Variants in RHD observed in about 807,000 individuals in gnomAD.
RHD encodes Rh blood group D antigen, also known as blood group Rh(D) polypeptide.
RHD carries 16 observed loss-of-function variants against 45.5 expected under a neutral mutation model. The observed-to-expected ratio is 0.35, with a 90% CI of 0.24 to 0.53. The LOEUF (loss-of-function observed/expected upper bound fraction) is 0.53, where lower values mean the gene tolerates loss of function less well. Ranked by LOEUF, RHD falls within the 20% of genes least tolerant of loss-of-function variation. RHD has a pLI of 0.92. For missense variants in RHD, 306 were observed against 532.0 expected, an observed-to-expected ratio of 0.58 and a Z score of 4.18; for synonymous variants, 131 against 217.5, an observed-to-expected ratio of 0.60 and a Z score of 3.50.
At chr1:25,301,791 G>T (rs1643411272) in intron 5 of RHD, 105 bp downstream of exon 5, 1 of 880,900 alleles carries the variant, frequency 1.1e-6, no homozygotes, top group Non-Finnish European at 1.8e-6. Context: ...GAGAGGGCAT[G>T]CCGGGTGGTG....
chr1:25,298,048 C>T lies in RHD; in HGVS notation c.487-2898C>T, dbSNP rs374709905. On this transcript the variant is annotated intron_variant, in intron 3 of 9. Coordinates refer to ENST00000328664, the MANE Select transcript of RHD (RefSeq NM_016124.6). Reference sequence around the variant, plus strand: ...GTCCCCTCCACCCACCCATCCACCTCCACTTGTTCCTGCATTTCTATGTCC... The same window carrying T: ...GTCCCCTCCACCCACCCATCCACCTTCACTTGTTCCTGCATTTCTATGTCC... Among the ~76,000 whole-genome samples, 3 of 123,744 alleles carry T rather than the reference C, an allele frequency of 2.4e-5. 1 individual carries two copies. The highest frequency in any genetic ancestry group is 8.2e-5 in the African/African-American group (3 of 36,700). The allele number at this position is 123,744 out of a possible 152,430, so 81.2% of individuals were successfully genotyped here.
At chr1:25,299,039 G>C (rs1429710435) in intron 3 of RHD, among the ~76,000 whole-genome samples, 4 of 104,524 alleles carry the variant, frequency 3.8e-5, no homozygotes, top group Admixed American at 1.0e-4. Context: ...CTGTTTACCA[G>C]CCACGCTGTT....
intron 1 of RHD, among the ~76,000 whole-genome samples, chr1:25,283,125 C>T (rs570671859): frequency 1.5e-5 from 2 of 132,200 alleles, no homozygotes; most frequent in East Asian, 3.9e-4. Context: ...ATTCTGGCAA[C>T]CTAATGAAGG....
Position 25,305,750 on chromosome 1 carries a change from A to G in RHD, c.940-846A>G, listed in dbSNP as rs574989885. 5.1e-3 allele frequency among the ~76,000 whole-genome samples: 659 copies of G among 129,876 alleles called. 97 individuals carry two copies. Among genetic ancestry groups the G allele is most frequent in the African/African-American group, 0.016 (608 of 37,642 alleles). 85.2% of individuals were successfully genotyped at this position (129,876 alleles called of 152,430 possible). A position where few individuals can be genotyped will look rare whatever the true frequency, so the allele number is the denominator to read the frequency against. ...TGAGTAGCTGGGTCTACAGGCGCCC[A>G]CCACCACGCCCAGCTAATTTTTTGT... On this transcript the variant is annotated intron_variant, in intron 6 of 9. Transcript: ENST00000328664.
At position 25,312,948 on chromosome 1, in the gene RHD, A is replaced by AAAAAAAAC. The variant is rs752824734; in HGVS notation, c.1074-4051_1074-4044dup. On this transcript the variant is annotated intron_variant, in intron 7 of 9. Coordinates refer to ENST00000328664, the MANE Select transcript of RHD (RefSeq NM_016124.6). ...AAAAAAAAAAAAAAAAAAAAAAAAA[A>AAAAAAAAC]AAAAAAACTTTAGTGCTATTGGAAT... Among the ~76,000 whole-genome samples the AAAAAAAAC allele has an allele frequency of 1.8e-3, 196 of 110,678 alleles. 33 individuals are homozygous for AAAAAAAAC. Among genetic ancestry groups the AAAAAAAAC allele is most frequent in the Non-Finnish European group, 3.2e-3 (145 of 45,870 alleles). 72.6% of individuals were successfully genotyped at this position (110,678 alleles called of 152,430 possible). A position where few individuals can be genotyped will look rare whatever the true frequency, so the allele number is the denominator to read the frequency against.
At chr1:25,318,967 G>A (rs756858361) in intron 8 of RHD, among the ~76,000 whole-genome samples, 1 of 133,060 alleles carries the variant, frequency 7.5e-6, no homozygotes, top group African/African-American at 2.6e-5. Context: ...AAGCAGAGGC[G>A]GAGTAGCGTT....
In RHD at chr1:25,312,055, G is replaced by A. The variant is rs1319757524; in HGVS notation, c.1074-4945G>A. ...GCAGGCATGAGACTCCAACCTGTGCGAAGTGCAACATGGGCAGAACCCAGC... is the reference window on the plus strand; with the variant it reads ...GCAGGCATGAGACTCCAACCTGTGCAAAGTGCAACATGGGCAGAACCCAGC... On this transcript the variant is annotated intron_variant, in intron 7 of 9. Coordinates refer to ENST00000328664, the MANE Select transcript of RHD (RefSeq NM_016124.6). Among the ~76,000 whole-genome samples, 7 of 107,460 alleles carry A rather than the reference G, an allele frequency of 6.5e-5. 1 individual carries two copies. Among genetic ancestry groups the A allele is most frequent in the South Asian group, 5.9e-4 (2 of 3,378 alleles). 70.5% of individuals were successfully genotyped at this position (107,460 alleles called of 152,430 possible). A position where few individuals can be genotyped will look rare whatever the true frequency, so the allele number is the denominator to read the frequency against.
Position 25,273,705 on chromosome 1 carries a change from T to A in RHD, c.148+1010T>A, listed in dbSNP as rs1051293055. Among the ~76,000 whole-genome samples the A allele has an allele frequency of 8.0e-5, 10 of 125,164 alleles. 3 individuals are homozygous for A. Among genetic ancestry groups the A allele is most frequent in the African/African-American group, 2.7e-4 (10 of 36,612 alleles). 82.1% of individuals were successfully genotyped at this position (125,164 alleles called of 152,430 possible). On this transcript the variant is annotated intron_variant, in intron 1 of 9. Transcript: ENST00000328664. ...CCACAATGGTGTGACTTTGCTTTTT[T>A]AAAAATATTGAAATGAGTTTCAGGC...
intron 3 of RHD, among the ~76,000 whole-genome samples, chr1:25,298,760 C>G (rs1643139128): frequency 7.6e-6 from 1 of 131,102 alleles, no homozygotes; most frequent in Admixed American, 7.5e-5. Context: ...CATGGAACGT[C>G]TGTTCCAGAA....
rs904655205 is a variant in RHD at position 25,291,320 on chromosome 1, T to G, written c.486+529T>G. Among the ~76,000 whole-genome samples, 5 of 129,234 alleles carry G rather than the reference T, an allele frequency of 3.9e-5. 1 individual carries two copies. Among genetic ancestry groups the G allele is most frequent in the African/African-American group, 1.3e-4 (5 of 37,924 alleles). 84.8% of individuals were successfully genotyped at this position (129,234 alleles called of 152,430 possible). On this transcript the variant is annotated intron_variant, in intron 3 of 9. Transcript: ENST00000328664. ...CTCATCTCTACTAAAAATACAAAATTTAGCTGGGCATGGTGGCAGGCGCCT... is the reference window on the plus strand; with the variant it reads ...CTCATCTCTACTAAAAATACAAAATGTAGCTGGGCATGGTGGCAGGCGCCT...
chr1:25,279,952 G>C (rs567056127), intron 1 of RHD, among the ~76,000 whole-genome samples: 1 of 129,302 alleles, frequency 7.7e-6, no homozygotes, highest in East Asian at 2.0e-4. Context: ...GCTGATACCA[G>C]TGAGGATGCT....
rs1189178432 is a variant in RHD, at chr1:25,319,741, T to C, written c.1154-2148T>C. Among the ~76,000 whole-genome samples the C allele has an allele frequency of 3.8e-5, 5 of 132,284 alleles. 1 individual carries two copies. The highest frequency in any genetic ancestry group is 5.4e-5 in the Non-Finnish European group (3 of 55,810). The allele number at this position is 132,284 out of a possible 152,430, so 86.8% of individuals were successfully genotyped here. A position where few individuals can be genotyped will look rare whatever the true frequency, so the allele number is the denominator to read the frequency against. ...TGAGCCCTCTATGGGCCTGTCTGTA[T>C]TTATTTAAGAAACAATCCTATCAAG... On this transcript the variant is annotated intron_variant, in intron 8 of 9. Transcript: ENST00000328664.
chr1:25,278,496 G>C (rs1464947068), intron 1 of RHD, among the ~76,000 whole-genome samples: 1 of 131,870 alleles, frequency 7.6e-6, no homozygotes, highest in Non-Finnish European at 1.8e-5. Flanking sequence ...CAGTTCTTCT[G>C]TTAGTTTCAC....
chr1:25,306,492 C>T (rs1424005468), intron 6 of RHD, 104 bp from the exon 7 acceptor site: 2 of 1,087,408 alleles, frequency 1.8e-6, no homozygotes, highest in African/African-American at 1.5e-5. Flanking sequence ...AGCCTTAGTG[C>T]CCATCCCCCT....
chr1:25,283,122 C>A (rs1641646379), intron 1 of RHD, among the ~76,000 whole-genome samples: 1 of 132,248 alleles, frequency 7.6e-6, no homozygotes, highest in South Asian at 2.3e-4. Context: ...TTGATTCTGG[C>A]AACCTAATGA....
intron 7 of RHD, among the ~76,000 whole-genome samples, chr1:25,312,935 A>C (rs1208869614): frequency 9.7e-6 from 1 of 103,228 alleles, no homozygotes; most frequent in African/African-American, 3.0e-5. Context: ...AAAAAAAAAA[A>C]AAAAAAAAAA....
chr1:25,323,898 A>G, intron 9 of RHD, among the ~76,000 whole-genome samples: 1 of 111,978 alleles, frequency 8.9e-6, no homozygotes, highest in Non-Finnish European at 2.0e-5. Context: ...TGCAGCTGTC[A>G]GCTCTTGGCT....
In RHD at chr1:25,299,754, TTTTA is replaced by T. The variant is rs569606386; in HGVS notation, c.487-1180_487-1177del. 5.0e-4 allele frequency among the ~76,000 whole-genome samples: 66 copies of T among 132,806 alleles called. 7 individuals are homozygous for T. The South Asian group carries it at 0.015, about 29-fold the overall frequency. 87.1% of individuals were successfully genotyped at this position (132,806 alleles called of 152,430 possible). ...GTAACATGATCTGACTTGCATTTTA[TTTTA>T]TTTATTTATTTGACGCAGTGTCACT... On this transcript the variant is annotated intron_variant, in intron 3 of 9. Coordinates refer to ENST00000328664, the MANE Select transcript of RHD (RefSeq NM_016124.6).
intron 1 of RHD, among the ~76,000 whole-genome samples, chr1:25,275,215 A>C (rs1640855650): frequency 7.6e-6 from 1 of 131,958 alleles, no homozygotes; most frequent in African/African-American, 2.6e-5. Context: ...GCTTGAACCC[A>C]GGAGGCAGAG....
Sources: allele counts gnomAD v4.1 joint callset (sites outside exome capture counted in the v4.1 genomes callset), GRCh38; gene constraint gnomAD v4.1.1; transcripts MANE v1.5; gene names NCBI Gene and HGNC (gene_info 2026-07-23, HGNC 2026-07-21).